ADPRHL1: variants seen among roughly 807,000 people sequenced by gnomAD.
ADPRHL1 encodes ADP-ribosylhydrolase like 1.
In ADPRHL1, 43 loss-of-function variants were observed where a neutral mutation model predicts 44.1. The ratio of observed to expected loss-of-function variants is 0.98; its 90% CI spans 0.76 to 1.26. ADPRHL1 has a LOEUF of 1.26. Among genes scored for constraint, ADPRHL1 ranks in the 50% most tolerant of loss-of-function variants. The pLI is 0.00. For missense variants in ADPRHL1, 2,022 were observed against 2,496.9 expected (o/e 0.81, Z 4.05); for synonymous variants, 878 against 1,017.4 (o/e 0.86, Z 2.61).
chr13:113,429,329 C>T (rs1276911600), intron 3 of ADPRHL1, among the ~76,000 whole-genome samples: 1 of 152,228 alleles, frequency 6.6e-6, no homozygotes, highest in Non-Finnish European at 1.5e-5. Flanking sequence ...ACTCACCCCA[C>T]CGCCCTCCCC....
At chr13:113,429,113 A>AGAGG in intron 3 of ADPRHL1, 21 bp from the exon 4 acceptor site, 1 of 1,601,768 alleles carries the variant, frequency 6.2e-7, no homozygotes, top group Non-Finnish European at 8.5e-7. Context: ...GGGAAGAGAG[A>AGAGG]GGGGGCACCA....
At chr13:113,451,139 A>C (rs372091789) in intron 1 of ADPRHL1, among the ~76,000 whole-genome samples, 2 of 152,080 alleles carry the variant, frequency 1.3e-5, no homozygotes, top group Non-Finnish European at 2.9e-5. Context: ...TTCTGGTCAC[A>C]CCTCACTATG....
At chr13:113,448,654 G>A (rs1260499891) in intron 1 of ADPRHL1, among the ~76,000 whole-genome samples, 2 of 143,776 alleles carry the variant, frequency 1.4e-5, no homozygotes, top group Non-Finnish European at 3.0e-5. Context: ...GAAGGTGCTG[G>A]CCCTGTGCCC....
chr13:113,421,335 C>CCCCGGGACACGCCCACT (rs1566471012), intron 7 of ADPRHL1, among the ~76,000 whole-genome samples: 36 of 140,574 alleles, frequency 2.6e-4, no homozygotes, highest in Non-Finnish European at 4.6e-4. Context: ...ACACGCCCAC[C>CCCCGGGACACGCCCACT]CCCGGGACAC....
Position 113,404,258 on chromosome 13 carries a change from C to T in ADPRHL1, c.5024G>A (p.Arg1675Gln), listed in dbSNP as rs1247865987. The T allele has an allele frequency of 1.5e-6, 2 of 1,307,080 alleles. No individual in the cohort carries two copies. The highest frequency in any genetic ancestry group is 1.9e-6 in the Non-Finnish European group (2 of 1,036,296). The allele number at this position is 1,307,080 out of a possible 1,614,324, so 81.0% of individuals were successfully genotyped here. ...CCCTTTCTGGGCCTGTTCCCGAGCC[C>T]GTTCCTGAGCCCCCTTCTGGGCCTG... ...QGQAQKGAQE[R>Q]AREQAQKGAQ... is the part of the protein sequence containing the mutation. Residue 1675 changes from arginine (R) to glutamine (Q), a missense_variant, in exon 8 of 8, where the codon CGG becomes CAG. Physicochemically the swap from Arg to Gln is conservative, Grantham distance 43. This residue lies in a region of ADPRHL1 where 25 missense variants were observed against 50.2 expected (regional missense o/e 0.50). Coordinates refer to ENST00000612156, the MANE Select transcript of ADPRHL1 (RefSeq NM_001394807.1).
chr13:113,452,712 A>C (rs1050048311), intron 1 of ADPRHL1, among the ~76,000 whole-genome samples: 29 of 152,240 alleles, frequency 1.9e-4, no homozygotes, highest in African/African-American at 6.8e-4. Context: ...TTGGGAGATG[A>C]TATTCTAACT....
chr13:113,442,894 G>T (rs188404959), intron 2 of ADPRHL1, among the ~76,000 whole-genome samples: 1 of 152,140 alleles, frequency 6.6e-6, no homozygotes, highest in East Asian at 1.9e-4. Flanking sequence ...CTCTTTGTGT[G>T]TCTCACCGTG....
rs1171296805 is a variant in ADPRHL1, at chr13:113,425,099, T to C, written c.727A>G (p.Asn243Asp). The C allele has an allele frequency of 3.1e-6, 5 of 1,613,546 alleles. No homozygotes were observed. Among genetic ancestry groups the C allele is most frequent in the Non-Finnish European group, 4.2e-6 (5 of 1,179,958 alleles). ...EERKISKDSE[N>D]KAIFPDNYDA... ...TAATTGTCGGGGAAGATGGCTTTATTTTCTGAGTCTTTACTGATTTTCCTC... is the reference window on the plus strand; with the variant it reads ...TAATTGTCGGGGAAGATGGCTTTATCTTCTGAGTCTTTACTGATTTTCCTC... Residue 243 changes from asparagine to aspartate, a missense_variant, in exon 5 of 8, where the codon AAT becomes GAT. Asn to Asp is a conservative substitution (Grantham distance 23). Around this residue, in one of 8 missense-constraint regions of ADPRHL1, gnomAD observed 437 missense variants for 430.7 expected, o/e 1.01. Coordinates refer to ENST00000612156, the MANE Select transcript of ADPRHL1 (RefSeq NM_001394807.1).
intron 6 of ADPRHL1, among the ~76,000 whole-genome samples, chr13:113,423,947 G>T (rs1295974014): frequency 6.6e-6 from 1 of 152,226 alleles, no homozygotes; most frequent in East Asian, 1.9e-4. Flanking sequence ...TGGACCAGGT[G>T]AGAGACTCTT....
intron 2 of ADPRHL1, among the ~76,000 whole-genome samples, chr13:113,437,561 G>A (rs951738715): frequency 6.6e-6 from 1 of 152,236 alleles, no homozygotes; most frequent in Non-Finnish European, 1.5e-5. Flanking sequence ...CACGGAGAAC[G>A]TGCCGTGCTT....
At chr13:113,415,732 C>G (rs2043883853) in intron 7 of ADPRHL1, among the ~76,000 whole-genome samples, 1 of 110,432 alleles carries the variant, frequency 9.1e-6, no homozygotes, top group Non-Finnish European at 1.7e-5. Flanking sequence ...GCCTGGGTGA[C>G]AGAGTGAGAC....
chr13:113,406,638 C>T lies in ADPRHL1; in HGVS notation c.2644G>A (p.Ala882Thr). The part of the protein sequence containing the change: ...ICGGENVVEN[A>T]HTEFPTVTEN... ...GTCACGGTGGGAAATTCTGTGTGGG[C>T]ATTTTCAACCACATTCTCTCCTCCA... is the stretch of plus-strand genomic sequence containing the variant. Residue 882 changes from alanine to threonine, a missense_variant, in exon 8 of 8, where the codon GCC becomes ACC. Coordinates refer to ENST00000612156, the MANE Select transcript of ADPRHL1 (RefSeq NM_001394807.1). 8.1e-7 allele frequency: 1 copy of T among 1,228,626 alleles called. No homozygotes were observed. 76.1% of individuals were successfully genotyped at this position (1,228,626 alleles called of 1,614,324 possible).
chr13:113,429,896 T>C (rs938336864), intron 3 of ADPRHL1, among the ~76,000 whole-genome samples: 4 of 152,228 alleles, frequency 2.6e-5, no homozygotes, highest in Admixed American at 6.5e-5. Context: ...TTCTTTGGTA[T>C]GTCAAATTTT....
chr13:113,442,792 T>C (rs899569844), intron 2 of ADPRHL1, among the ~76,000 whole-genome samples: 1 of 152,220 alleles, frequency 6.6e-6, no homozygotes, highest in African/African-American at 2.4e-5. Context: ...ATGTTGCTTT[T>C]GTTCTCCTCT....
chr13:113,439,803 T>G (rs2044085430), intron 2 of ADPRHL1, among the ~76,000 whole-genome samples: 1 of 152,202 alleles, frequency 6.6e-6, no homozygotes, highest in Admixed American at 6.6e-5. Context: ...TCCTCTTGAG[T>G]GACCTTCGGT....
chr13:113,415,689 T>C (rs1174265421), intron 7 of ADPRHL1, among the ~76,000 whole-genome samples: 1 of 140,288 alleles, frequency 7.1e-6, no homozygotes, highest in Non-Finnish European at 1.5e-5. Flanking sequence ...AAGCAGAGGT[T>C]GCAGTGAGCT....
At chr13:113,426,889 G>A (rs1329604145) in intron 4 of ADPRHL1, among the ~76,000 whole-genome samples, 1 of 152,242 alleles carries the variant, frequency 6.6e-6, no homozygotes, top group African/African-American at 2.4e-5. Context: ...CCTCACTGCA[G>A]AGGGCCGTGT....
chr13:113,433,817 A>C lies in ADPRHL1; in HGVS notation c.430T>G (p.Trp144Gly). Reference sequence around the variant, plus strand: ...AGGGTCTCCAGCCGCTCAGGCTTCCAGTACCGCAGGCCGATGCACATGGCC... The same window carrying C: ...AGGGTCTCCAGCCGCTCAGGCTTCCCGTACCGCAGGCCGATGCACATGGCC... Reference protein sequence around the residue: ...TKAMCIGLRYWKPERLETLIE... With the variant: ...TKAMCIGLRYGKPERLETLIE... The change falls in exon 3 of 8, where the codon TGG becomes GGG. Residue 144 changes from tryptophan to glycine, a missense_variant. Around this residue, in one of 8 missense-constraint regions of ADPRHL1, gnomAD observed 437 missense variants for 430.7 expected, o/e 1.01. Transcript: ENST00000612156. 1 of 1,581,634 alleles carries C rather than the reference A, an allele frequency of 6.3e-7. No individual in the cohort carries two copies. Among genetic ancestry groups the C allele is most frequent in the Non-Finnish European group, 8.6e-7 (1 of 1,164,292 alleles).
At chr13:113,429,920 G>GA (rs2043995132) in intron 3 of ADPRHL1, among the ~76,000 whole-genome samples, 2 of 152,184 alleles carry the variant, frequency 1.3e-5, no homozygotes, top group East Asian at 3.9e-4. Context: ...ACTGTTTACT[G>GA]AAAAATAAAT....
Sources: allele counts gnomAD v4.1 joint callset (sites outside exome capture counted in the v4.1 genomes callset), GRCh38; gene constraint gnomAD v4.1.1; regional missense constraint gnomAD v4.1.1; transcripts MANE v1.5; gene names NCBI Gene and HGNC (gene_info 2026-07-23, HGNC 2026-07-21).